Variants in TIAM1 observed in about 807,000 individuals in gnomAD.
TIAM1 encodes the protein rho guanine nucleotide exchange factor TIAM1.
In TIAM1, 65 loss-of-function variants were observed where a neutral mutation model predicts 163.5. That is an observed-to-expected ratio of 0.40 (90% CI 0.33 to 0.49). TIAM1 has a LOEUF of 0.49. TIAM1 is among the 20% of genes least tolerant of loss of function. The pLI, the probability that TIAM1 is intolerant of heterozygous loss-of-function variation, is 0.77. For missense variants in TIAM1, 1,789 were observed against 2,044.7 expected, an observed-to-expected ratio of 0.87 and a Z score of 2.41; for synonymous variants, 833 against 810.1, an observed-to-expected ratio of 1.03 and a Z score of -0.48.
chr21:31,136,005 T>C lies in TIAM1; in HGVS notation c.3811A>G (p.Thr1271Ala), dbSNP rs751380189. 2 of 1,614,164 alleles carry C rather than the reference T, an allele frequency of 1.2e-6. No homozygotes were observed. The change falls in exon 23 of 28, where the codon ACT becomes GCT. Residue 1271 changes from threonine (T) to alanine (A), a missense_variant. Transcript: ENST00000541036. ...GGCGGGTTCAGCCAGATCACGGTAG[T>C]GTGCAAAAGCAGGTCTCCCATGCTC... ...DLSMGDLLLH[T>A]TVIWLNPPAS... is the part of the protein sequence containing the mutation.
chr21:31,228,101 T>C (rs184914470), intron 6 of TIAM1, among the ~76,000 whole-genome samples: 1,847 of 145,446 alleles, frequency 0.013, 46 homozygotes, highest in African/African-American at 0.043. Context: ...TTAGTAGAGA[T>C]GGGGTTTCAC....
chr21:31,480,445 C>T (rs2833425), intron 1 of TIAM1, among the ~76,000 whole-genome samples: 52,004 of 152,066 alleles, frequency 0.34, 9,193 homozygotes, highest in Non-Finnish European at 0.37. Flanking sequence ...GCTCTATTGC[C>T]TAATACACTA....
chr21:31,373,288 A>G (rs1298764889), intron 2 of TIAM1, among the ~76,000 whole-genome samples: 2 of 152,100 alleles, frequency 1.3e-5, no homozygotes, highest in African/African-American at 4.8e-5. Flanking sequence ...AGACCCTGTC[A>G]TAAAATTCCT....
intron 1 of TIAM1, among the ~76,000 whole-genome samples, chr21:31,506,259 C>T (rs1005103259): frequency 3.6e-5 from 4 of 111,926 alleles, no homozygotes; most frequent in Admixed American, 9.8e-5. Flanking sequence ...CTCTCACACA[C>T]GTACACACAC....
intron 1 of TIAM1, among the ~76,000 whole-genome samples, chr21:31,533,675 C>T (rs929284700): frequency 8.5e-5 from 13 of 152,108 alleles, no homozygotes; most frequent in Admixed American, 2.0e-4. Context: ...TGAGGCTGCA[C>T]GAGCTGTGTT....
At chr21:31,380,093 T>C (rs2147172366) in intron 2 of TIAM1, among the ~76,000 whole-genome samples, 1 of 152,118 alleles carries the variant, frequency 6.6e-6, no homozygotes, top group East Asian at 1.9e-4. Flanking sequence ...TGAAACCCTG[T>C]CTCTACTAAA....
chr21:31,233,609 G>C (rs2088563129), intron 6 of TIAM1, among the ~76,000 whole-genome samples: 1 of 152,200 alleles, frequency 6.6e-6, no homozygotes, highest in African/African-American at 2.4e-5. Context: ...GGAGGCTGAG[G>C]CAGGAGAATT....
chr21:31,541,348 C>T (rs1402966918), intron 1 of TIAM1, among the ~76,000 whole-genome samples: 1 of 151,876 alleles, frequency 6.6e-6, no homozygotes, highest in African/African-American at 2.4e-5. Context: ...TCCCAGCTAC[C>T]CGGAAGACTG....
At chr21:31,479,451 G>GGATA (rs72099223) in intron 1 of TIAM1, among the ~76,000 whole-genome samples, 1 of 151,154 alleles carries the variant, frequency 6.6e-6, no homozygotes, top group Non-Finnish European at 1.5e-5. Flanking sequence ...AAGGATGGAT[G>GGATA]GATAGATGGA....
intron 6 of TIAM1, among the ~76,000 whole-genome samples, chr21:31,233,858 C>G (rs1157822014): frequency 6.6e-6 from 1 of 152,146 alleles, no homozygotes; most frequent in Admixed American, 6.5e-5. Context: ...AAACAGGGAC[C>G]GTGCGCTGCA....
At chr21:31,307,820 G>T (rs2074773409) in intron 2 of TIAM1, among the ~76,000 whole-genome samples, 1 of 152,108 alleles carries the variant, frequency 6.6e-6, no homozygotes, top group Admixed American at 6.6e-5. Flanking sequence ...CTGGAGAGGA[G>T]GGAAGGTTAC....
At chr21:31,430,225 A>AATATATAT (rs35708801) in intron 2 of TIAM1, among the ~76,000 whole-genome samples, 27 of 90,272 alleles carry the variant, frequency 3.0e-4, no homozygotes, top group African/African-American at 1.5e-3. Flanking sequence ...AAAAAAAAAA[A>AATATATAT]ATATATATAT....
intron 19 of TIAM1, among the ~76,000 whole-genome samples, chr21:31,148,313 T>C (rs2083227620): frequency 6.6e-6 from 1 of 152,204 alleles, no homozygotes; most frequent in South Asian, 2.1e-4. Context: ...AGGTTTTTCC[T>C]GTGCTGTTCT....
rs1029728426 is a variant in TIAM1, at chr21:31,266,180, G to T, written c.793C>A (p.Pro265Thr). Reference sequence around the variant, plus strand: ...GGCATCTTATGGTTTGCAAGATTGGGAATATCAGACACCAAATTCCGACAG... The same window carrying T: ...GGCATCTTATGGTTTGCAAGATTGGTAATATCAGACACCAAATTCCGACAG... ...GYCRNLVSDI[P>T]NLANHKMPPA... Residue 265 changes from proline (P) to threonine (T), a missense_variant, in exon 4 of 28, where the codon CCC (proline) becomes ACC (threonine). Physicochemically the swap from Pro to Thr is conservative, Grantham distance 38 (BLOSUM62 -1). This residue lies in a region of TIAM1 where 555 missense variants were observed against 564.9 expected (regional missense o/e 0.98). Coordinates refer to ENST00000541036, the MANE Select transcript of TIAM1 (RefSeq NM_001353694.2). The T allele has an allele frequency of 4.3e-6, 7 of 1,614,150 alleles. No homozygotes were observed. The highest frequency in any genetic ancestry group is 5.9e-6 in the Non-Finnish European group (7 of 1,180,040).
intron 2 of TIAM1, among the ~76,000 whole-genome samples, chr21:31,327,695 G>T (rs1427740312): frequency 1.5e-5 from 2 of 129,870 alleles, no homozygotes; most frequent in African/African-American, 5.9e-5. Context: ...GAAGAAAAAA[G>T]ATTTGTGCCT....
intron 19 of TIAM1, among the ~76,000 whole-genome samples, chr21:31,149,519 A>G (rs2083284430): frequency 6.6e-6 from 1 of 152,142 alleles, no homozygotes; most frequent in Non-Finnish European, 1.5e-5. Context: ...AGTACACTCA[A>G]GTCTATATCA....
At chr21:31,467,636 AG>A (rs781221890) in intron 1 of TIAM1, among the ~76,000 whole-genome samples, 112 of 151,156 alleles carry the variant, frequency 7.4e-4, no homozygotes, top group Non-Finnish European at 1.3e-3. Flanking sequence ...AAAAAAAAAA[AG>A]AATAAATAAA....
intron 14 of TIAM1, among the ~76,000 whole-genome samples, chr21:31,185,082 C>T (rs942682440): frequency 2.0e-5 from 3 of 152,130 alleles, no homozygotes; most frequent in African/African-American, 7.2e-5. Flanking sequence ...ACAACAGATG[C>T]AAGGTAAGTA....
At chr21:31,220,121 A>G (rs2087473583) in intron 8 of TIAM1, among the ~76,000 whole-genome samples, 1 of 152,234 alleles carries the variant, frequency 6.6e-6, no homozygotes, top group Admixed American at 6.5e-5. Context: ...TGACACATAC[A>G]TAGAGGCAAC....
Sources: allele counts gnomAD v4.1 joint callset (sites outside exome capture counted in the v4.1 genomes callset), GRCh38; gene constraint gnomAD v4.1.1; regional missense constraint gnomAD v4.1.1; transcripts MANE v1.5; gene names NCBI Gene and HGNC (gene_info 2026-07-23, HGNC 2026-07-21).